RNF31: variants seen among roughly 807,000 people sequenced by gnomAD.
RNF31 encodes ring finger protein 31, also known as E3 ubiquitin-protein ligase RNF31.
In RNF31, 38 loss-of-function variants were observed where a neutral mutation model predicts 133.6. The observed-to-expected ratio is 0.28, with a 90% CI of 0.22 to 0.37. The LOEUF is 0.37. Among genes scored for constraint, RNF31 ranks in the 10% least tolerant of loss-of-function variants. RNF31 has a pLI of 1.00. For missense variants in RNF31, 1,118 were observed against 1,394.1 expected (o/e 0.80, Z 3.15); for synonymous variants, 582 against 552.3 (o/e 1.05, Z -0.75).
rs377644189 is a variant in RNF31, at chr14:24,149,255, G to A, written c.632-151G>A. 61 of 810,708 alleles carry A rather than the reference G, an allele frequency of 7.5e-5. No homozygotes were observed. The East Asian group carries it at 9.7e-4, about 13-fold the overall frequency. The allele number at this position is 810,708 out of a possible 1,614,324, so 50.2% of individuals were successfully genotyped here. On this transcript the variant is annotated intron_variant, in intron 5 of 20. Coordinates refer to ENST00000324103, the MANE Select transcript of RNF31 (RefSeq NM_017999.5). ...TAAGATTACCTGCATGAGCCACCACGCCCGGCCTCTTTGTTTTTTAAAAGA... is the reference window on the plus strand; with the variant it reads ...TAAGATTACCTGCATGAGCCACCACACCCGGCCTCTTTGTTTTTTAAAAGA...
chr14:24,152,130 A>T (rs868587595), intron 11 of RNF31, 138 bp downstream of exon 11: 1 of 777,676 alleles, frequency 1.3e-6, no homozygotes, highest in Non-Finnish European at 2.0e-6. Context: ...GGGAGGGGGA[A>T]GTCAGGAACA....
At chr14:24,158,560 T>C in intron 18 of RNF31, 1 of 309,236 alleles carries the variant, frequency 3.2e-6, no homozygotes, top group Non-Finnish European at 6.1e-6. Flanking sequence ...GTGTTACATA[T>C]GGTTCTAACC....
chr14:24,160,070 G>T lies in RNF31; in HGVS notation c.2996+110G>T. The T allele has an allele frequency of 7.6e-7, 1 of 1,318,808 alleles. No homozygotes were observed. Among genetic ancestry groups the T allele is most frequent in the Non-Finnish European group, 1.1e-6 (1 of 942,532 alleles). The allele number at this position is 1,318,808 out of a possible 1,614,324, so 81.7% of individuals were successfully genotyped here. A position where few individuals can be genotyped will look rare whatever the true frequency, so the allele number is the denominator to read the frequency against. ...GGAGCAGTAGGTCTTGCAGTGGGTG[G>T]GAGGGAGGAGGCTTTCTGGGCAAGG... is the stretch of plus-strand genomic sequence containing the variant. On this transcript the variant is annotated intron_variant, in intron 19 of 20. Transcript: ENST00000324103. The surrounding 1 kb of genome is among the most constrained non-coding windows in gnomAD (Gnocchi z 4.0).
chr14:24,160,262 T>G lies in RNF31; in HGVS notation c.3020T>G (p.Val1007Gly), dbSNP rs1308295471. Reference sequence around the variant, plus strand: ...AGGGCACACTACAAAGAGTATCTTGTGAGCCTCATCAATGCCCACTCGCTG... The same window carrying G: ...AGGGCACACTACAAAGAGTATCTTGGGAGCCTCATCAATGCCCACTCGCTG... ...LCQAHYKEYL[V>G]SLINAHSLDP... Residue 1007 changes from valine (V) to glycine (G), a missense_variant, in exon 20 of 21, where the codon GTG (valine) becomes GGG (glycine). Physicochemically the swap from Val to Gly is moderately radical, Grantham distance 109 (BLOSUM62 -3). Transcript: ENST00000324103. This position sits in a 1 kb window ranked among gnomAD's most constrained non-coding sequence, Gnocchi z 4.0. 5.6e-6 allele frequency: 9 copies of G among 1,613,890 alleles called. No homozygotes were observed. Among genetic ancestry groups the G allele is most frequent in the Non-Finnish European group, 7.6e-6 (9 of 1,180,018 alleles).
intron 18 of RNF31, among the ~76,000 whole-genome samples, chr14:24,158,982 G>C (rs538981153): frequency 7.4e-6 from 1 of 134,708 alleles, no homozygotes. Flanking sequence ...GCAGTGAGCA[G>C]AGATGGCGCC....
In RNF31 at chr14:24,150,377, C is replaced by A; in HGVS notation, c.1126C>A (p.Pro376Thr). 1 of 1,613,720 alleles carries A rather than the reference C, an allele frequency of 6.2e-7. No homozygotes were observed. ...AAVLCSICERPRLAQPPSLVV... is the reference protein window; with the variant it reads ...AAVLCSICERTRLAQPPSLVV... Reference sequence around the variant, plus strand: ...TGTGCTATGTTCCATATGTGAGCGACCTCGGCTGGCCCAGCCTCCCAGCTT... The same window carrying A: ...TGTGCTATGTTCCATATGTGAGCGAACTCGGCTGGCCCAGCCTCCCAGCTT... Residue 376 changes from proline (P) to threonine (T), a missense_variant, in exon 7 of 21, where the codon CCT becomes ACT. Around this residue, in one of 3 missense-constraint regions of RNF31, gnomAD observed 747 missense variants for 827.9 expected, o/e 0.90. Transcript: ENST00000324103.
At position 24,148,863 on chromosome 14, in the gene RNF31, A is replaced by G. The variant is rs755639780; in HGVS notation, c.618A>G (p.Thr206=). The G allele has an allele frequency of 3.7e-6, 6 of 1,613,756 alleles. No individual in the cohort carries two copies. In the East Asian group the frequency reaches 8.9e-5, roughly 24 times the overall value. The change falls in exon 5 of 21, where the codon ACA becomes ACG. Residue 206 remains threonine (T), a synonymous_variant. Transcript: ENST00000324103. ...AGATTGCTCCTGGCCCCCTCACCACACCCTCTGTCCCAGGTATTATTGGTC... is the reference window on the plus strand; with the variant it reads ...AGATTGCTCCTGGCCCCCTCACCACGCCCTCTGTCCCAGGTATTATTGGTC... ...LREIAPGPLT[T]PSVPGSTPGP... is the part of the protein sequence containing the mutation.
rs1308358612 is a variant in RNF31 at position 24,151,018 on chromosome 14, G to T, written c.1489-113G>T. 8.5e-6 allele frequency: 13 copies of T among 1,534,234 alleles called. No individual in the cohort carries two copies. Among genetic ancestry groups the T allele is most frequent in the Non-Finnish European group, 1.1e-5 (13 of 1,133,634 alleles). ...GCCTGTTACTGAGGCAGTTACCATTGCTGTACACTGATGACATGATCCATA... is the reference window on the plus strand; with the variant it reads ...GCCTGTTACTGAGGCAGTTACCATTTCTGTACACTGATGACATGATCCATA... On this transcript the variant is annotated intron_variant, in intron 8 of 20. Transcript: ENST00000324103. The surrounding 1 kb of genome is among the most constrained non-coding windows in gnomAD (Gnocchi z 5.3).
rs766681276 is a variant in RNF31 at position 24,151,121 on chromosome 14, T to G, written c.1489-10T>G. ...GGGTGCCCCTCCTGATGGGCGGGACTGTGCCTTAGGAAGGGGAAGCCGCAG... is the reference window on the plus strand; with the variant it reads ...GGGTGCCCCTCCTGATGGGCGGGACGGTGCCTTAGGAAGGGGAAGCCGCAG... On this transcript the variant is annotated splice_polypyrimidine_tract_variant and intron_variant, in intron 8 of 20. Coordinates refer to ENST00000324103, the MANE Select transcript of RNF31 (RefSeq NM_017999.5). The surrounding 1 kb of genome is among the most constrained non-coding windows in gnomAD (Gnocchi z 5.3). 2 of 1,613,048 alleles carry G rather than the reference T, an allele frequency of 1.2e-6. No individual in the cohort carries two copies. The highest frequency in any genetic ancestry group is 2.2e-5 in the South Asian group (2 of 91,046).
At chr14:24,149,693 TAGCC>T (rs1236007310) in intron 6 of RNF31, 110 bp downstream of exon 6, 1 of 1,110,428 alleles carries the variant, frequency 9.0e-7, no homozygotes, top group African/African-American at 1.6e-5. Context: ...AGAGGACAAG[TAGCC>T]AGTCAGAACC....
chr14:24,160,574 CT>C lies in RNF31; in HGVS notation c.*2del. ...GAGTATCCCCCGCAGGCGGAAGTAG[CT>C]GAGGGCAAGGGTCCCGATGAGGGTC... On this transcript the variant is annotated 3_prime_UTR_variant, in exon 21 of 21. Transcript: ENST00000324103. The surrounding 1 kb of genome is among the most constrained non-coding windows in gnomAD (Gnocchi z 4.0). 1 of 1,530,076 alleles carries C rather than the reference CT, an allele frequency of 6.5e-7. No homozygotes were observed. Among genetic ancestry groups the C allele is most frequent in the Middle Eastern group, 1.8e-4 (1 of 5,580 alleles). 94.8% of individuals were successfully genotyped at this position (1,530,076 alleles called of 1,614,324 possible).
intron 1 of RNF31, 39 bp downstream of exon 1, chr14:24,147,929 C>G: frequency 6.2e-7 from 1 of 1,613,440 alleles, no homozygotes; most frequent in Non-Finnish European, 8.5e-7. Context: ...ACACCAGGGC[C>G]TGAGGCCCAG....
intron 18 of RNF31, among the ~76,000 whole-genome samples, chr14:24,159,584 C>CAAAAA (rs59295225): frequency 1.6e-4 from 13 of 82,180 alleles, no homozygotes; most frequent in Non-Finnish European, 2.0e-4. Flanking sequence ...AAATAACAAC[C>CAAAAA]AAAAAAAAAA....
At chr14:24,154,315 A>C (rs926084213) in intron 11 of RNF31, among the ~76,000 whole-genome samples, 1 of 151,906 alleles carries the variant, frequency 6.6e-6, no homozygotes, top group Non-Finnish European at 1.5e-5. Context: ...GCGCCACCAC[A>C]CTTGGCTAAT....
intron 5 of RNF31, 168 bp from the exon 6 acceptor site, chr14:24,149,238 C>T (rs1335301986): frequency 1.4e-6 from 1 of 705,284 alleles, no homozygotes; most frequent in Non-Finnish European, 2.3e-6. Context: ...GCTAAGATTA[C>T]CTGCATGAGC....
At position 24,151,789 on chromosome 14, in the gene RNF31, C is replaced by T; in HGVS notation, c.1927C>T (p.Leu643=). 1 of 1,608,610 alleles carries T rather than the reference C, an allele frequency of 6.2e-7. No individual in the cohort carries two copies. Among genetic ancestry groups the T allele is most frequent in the Non-Finnish European group, 8.5e-7 (1 of 1,176,748 alleles). ...PSWDGPDKQS[L]VRRLLAVYAL... ...CTCCACCTGAATCATATTGCAGAGC[C>T]TGGTCAGGCGGCTTTTGGCAGTCTA... The change falls in exon 11 of 21, where the codon CTG becomes TTG. Residue 643 remains leucine, a synonymous_variant. Coordinates refer to ENST00000324103, the MANE Select transcript of RNF31 (RefSeq NM_017999.5). This position sits in a 1 kb window ranked among gnomAD's most constrained non-coding sequence, Gnocchi z 5.3.
intron 11 of RNF31, among the ~76,000 whole-genome samples, chr14:24,153,012 C>T (rs1181319287): frequency 2.0e-5 from 3 of 150,900 alleles, no homozygotes; most frequent in South Asian, 2.1e-4. Context: ...ACTCAGGAGG[C>T]GGAGCTTGCA....
In RNF31 at chr14:24,160,203, C is replaced by T. The variant is rs1234370901; in HGVS notation, c.2997-36C>T. The T allele has an allele frequency of 6.3e-7, 1 of 1,590,320 alleles. No individual in the cohort carries two copies. Among genetic ancestry groups the T allele is most frequent in the Admixed American group, 1.7e-5 (1 of 59,232 alleles). ...TTAGACACACTCAGTTAATATTAGC[C>T]AACACAACAAATATTCTGCTCCCTT... On this transcript the variant is annotated intron_variant, in intron 19 of 20. Transcript: ENST00000324103. The surrounding 1 kb of genome is among the most constrained non-coding windows in gnomAD (Gnocchi z 4.0).
Position 24,155,562 on chromosome 14 carries a change from C to T in RNF31, c.2404-41C>T, listed in dbSNP as rs1282327055. On this transcript the variant is annotated intron_variant, in intron 13 of 20. Coordinates refer to ENST00000324103, the MANE Select transcript of RNF31 (RefSeq NM_017999.5). The surrounding 1 kb of genome is among the most constrained non-coding windows in gnomAD (Gnocchi z 4.9). ...ACTGTGGAGGGGCAGGGGATGGTTC[C>T]AGGTCAGGCCTTTGATAACTTTATG... 1 of 1,613,398 alleles carries T rather than the reference C, an allele frequency of 6.2e-7. No individual in the cohort carries two copies. The highest frequency in any genetic ancestry group is 8.5e-7 in the Non-Finnish European group (1 of 1,179,388).
Sources: allele counts gnomAD v4.1 joint callset (sites outside exome capture counted in the v4.1 genomes callset), GRCh38; gene constraint gnomAD v4.1.1; regional missense constraint gnomAD v4.1.1; non-coding constraint Gnocchi (gnomAD v3.1); transcripts MANE v1.5; gene names NCBI Gene and HGNC (gene_info 2026-07-23, HGNC 2026-07-21).